The following ABL2 variants were observed in gnomAD, a reference collection of about 807,000 sequenced individuals.
ABL2 encodes ABL proto-oncogene 2, non-receptor tyrosine kinase.
In ABL2, 49 loss-of-function variants were observed where a neutral mutation model predicts 107.7. The ratio of observed to expected loss-of-function variants is 0.45; its 90% CI spans 0.36 to 0.58. The LOEUF is 0.58. Among genes scored for constraint, ABL2 ranks in the 20% least tolerant of loss-of-function variants. The pLI, the probability that ABL2 is intolerant of heterozygous loss-of-function variation, is 0.00. For synonymous variants in ABL2, 549 were observed against 548.6 expected (o/e 1.00, Z -0.01); for missense variants, 1,245 against 1,457.0 (o/e 0.85, Z 2.37).
chr1:179,187,596 A>T lies in ABL2; in HGVS notation c.157+41645T>A, dbSNP rs185815271. Among the ~76,000 whole-genome samples the T allele has an allele frequency of 1.8e-3, 276 of 152,356 alleles. 2 individuals are homozygous for T. The highest frequency in any genetic ancestry group is 2.7e-3 in the Admixed American group (41 of 15,298). On this transcript the variant is annotated intron_variant, in intron 1 of 11. Coordinates refer to ENST00000502732, the MANE Select transcript of ABL2 (RefSeq NM_007314.4). ...GAATTTTACCATATTTCTTGAAATA[A>T]GGGATCTGTACAAATTTGAATCCCT...
rs573149627 is a variant in ABL2, at chr1:179,121,228, G to A, written c.960+367C>T. ...GAGGAACAAGAACAAGGGAGAGAAA[G>A]GACAGAACAAGAAAGAGGCCCATGA... On this transcript the variant is annotated intron_variant, in intron 5 of 11. Transcript: ENST00000502732. Among the ~76,000 whole-genome samples, 4 of 152,316 alleles carry A rather than the reference G, an allele frequency of 2.6e-5. No individual in the cohort carries two copies. The East Asian group carries it at 7.7e-4, about 29-fold the overall frequency.
In ABL2 at chr1:179,185,104, C is replaced by T. The variant is rs373120927; in HGVS notation, c.157+44137G>A. ...ACTCAGACAGTACACTGTGTCTCTACGTGAATATGGACAGTTAGCATTTAC... is the reference window on the plus strand; with the variant it reads ...ACTCAGACAGTACACTGTGTCTCTATGTGAATATGGACAGTTAGCATTTAC... On this transcript the variant is annotated intron_variant, in intron 1 of 11. Coordinates refer to ENST00000502732, the MANE Select transcript of ABL2 (RefSeq NM_007314.4). Among the ~76,000 whole-genome samples the T allele has an allele frequency of 7.2e-5, 11 of 152,228 alleles. No individual in the cohort carries two copies. The East Asian group carries it at 7.7e-4, about 11-fold the overall frequency.
chr1:179,102,373 G>A lies in ABL2; in HGVS notation c.*5345C>T, dbSNP rs1440000145. 4.8e-6 allele frequency: 1 copy of A among 209,964 alleles called. No individual in the cohort carries two copies. Among genetic ancestry groups the A allele is most frequent in the Non-Finnish European group, 9.7e-6 (1 of 103,324 alleles). The allele number at this position is 209,964 out of a possible 1,614,324, so 13.0% of individuals were successfully genotyped here. On this transcript the variant is annotated 3_prime_UTR_variant, in exon 12 of 12. Transcript: ENST00000502732. ...TCTATCCAAATGATATAGATATCTTGACTGTTAAGAGTTGGAGACGTTTCA... is the reference window on the plus strand; with the variant it reads ...TCTATCCAAATGATATAGATATCTTAACTGTTAAGAGTTGGAGACGTTTCA...
chr1:179,108,163 T>G lies in ABL2; in HGVS notation c.3104A>C (p.Lys1035Thr), dbSNP rs768660163. The change falls in exon 12 of 12, where the codon AAA (lysine) becomes ACA (threonine). Residue 1035 changes from lysine (K) to threonine (T), a missense_variant. Physicochemically the swap from Lys to Thr is moderately conservative, Grantham distance 78. Around this residue, in one of 3 missense-constraint regions of ABL2, gnomAD observed 761 missense variants for 766.4 expected, o/e 0.99. Transcript: ENST00000502732. ...AALGAVPISGKAGRPVMPPPQ... is the reference protein window; with the variant it reads ...AALGAVPISGTAGRPVMPPPQ... ...TGGAGGCATCACTGGCCTCCCAGCT[T>G]TCCCACTGATGGGCACTGCGCCCAG... 1 of 1,614,174 alleles carries G rather than the reference T, an allele frequency of 6.2e-7. No homozygotes were observed. Among genetic ancestry groups the G allele is most frequent in the East Asian group, 2.2e-5 (1 of 44,874 alleles).
At chr1:179,145,345 T>G (rs1571193395) in intron 1 of ABL2, among the ~76,000 whole-genome samples, 3 of 152,280 alleles carry the variant, frequency 2.0e-5, no homozygotes, top group African/African-American at 7.2e-5. Context: ...ATTACTAAGG[T>G]CTCCAAAGGC....
rs577799136 is a variant in ABL2 at position 179,135,128 on chromosome 1, T to C, written c.158-1754A>G. Among the ~76,000 whole-genome samples the C allele has an allele frequency of 3.9e-5, 6 of 152,284 alleles. No homozygotes were observed. The South Asian group carries it at 8.3e-4, about 21-fold the overall frequency. ...GCCTTGGCCTCCCAAAGTGCCGAGA[T>C]TGCAGCCTCTGCCCGGCCGCCACCC... On this transcript the variant is annotated intron_variant, in intron 1 of 11. Transcript: ENST00000502732.
chr1:179,224,071 C>T (rs1429185386), intron 1 of ABL2, among the ~76,000 whole-genome samples: 1 of 124,698 alleles, frequency 8.0e-6, no homozygotes, highest in Non-Finnish European at 1.6e-5. Flanking sequence ...GTCAAGGCTG[C>T]AGTGAGCCAT....
chr1:179,121,725 A>T lies in ABL2; in HGVS notation c.830T>A (p.Ile277Asn). ...TCGCTCCATTTCCCATTTGTCGTGGATGGGGGACACACCATAGACTGTAGG... is the reference window on the plus strand; with the variant it reads ...TCGCTCCATTTCCCATTTGTCGTGGTTGGGGGACACACCATAGACTGTAGG... Reference protein sequence around the residue: ...NKPTVYGVSPIHDKWEMERTD... With the variant: ...NKPTVYGVSPNHDKWEMERTD... The change falls in exon 5 of 12, where the codon ATC becomes AAC. Residue 277 changes from isoleucine (I) to asparagine (N), a missense_variant. Coordinates refer to ENST00000502732, the MANE Select transcript of ABL2 (RefSeq NM_007314.4). 6.2e-7 allele frequency: 1 copy of T among 1,613,940 alleles called. No individual in the cohort carries two copies. The highest frequency in any genetic ancestry group is 8.5e-7 in the Non-Finnish European group (1 of 1,180,014).
At chr1:179,132,466 A>G (rs985458541) in intron 2 of ABL2, among the ~76,000 whole-genome samples, 2 of 152,128 alleles carry the variant, frequency 1.3e-5, no homozygotes, top group Non-Finnish European at 2.9e-5. Flanking sequence ...AAACTATCCA[A>G]ATGTCTATGT....
At chr1:179,153,053 T>C (rs556340391) in intron 1 of ABL2, among the ~76,000 whole-genome samples, 4 of 152,224 alleles carry the variant, frequency 2.6e-5, no homozygotes, top group Admixed American at 2.0e-4. Flanking sequence ...TGGCTCAACA[T>C]TTTACAGAAA....
chr1:179,145,010 AAG>A (rs1164511456), intron 1 of ABL2, among the ~76,000 whole-genome samples: 43 of 152,206 alleles, frequency 2.8e-4, no homozygotes, highest in African/African-American at 1.0e-3. Flanking sequence ...ATTTGGAATA[AAG>A]AGGAGATAAA....
chr1:179,108,708 C>A lies in ABL2; in HGVS notation c.2559G>T (p.Leu853Phe), dbSNP rs1421171175. Residue 853 changes from leucine (L) to phenylalanine (F), a missense_variant, in exon 12 of 12, where the codon TTG becomes TTT. By Grantham distance (22) the Leu-to-Phe change is conservative (BLOSUM62 0). Coordinates refer to ENST00000502732, the MANE Select transcript of ABL2 (RefSeq NM_007314.4). ...GAGGAAGAGCTGTGGCTCCTCTGGG[C>A]AATAACTTGGCTTTTGGTCTCTCCC... ...PSRERPKAKL[L>F]PRGATALPLR... The A allele has an allele frequency of 3.7e-6, 6 of 1,613,984 alleles. No homozygotes were observed. The highest frequency in any genetic ancestry group is 5.1e-6 in the Non-Finnish European group (6 of 1,179,972).
chr1:179,193,562 G>A (rs536895121), intron 1 of ABL2, among the ~76,000 whole-genome samples: 4 of 151,638 alleles, frequency 2.6e-5, no homozygotes, highest in East Asian at 3.9e-4. Context: ...CTGCGACCAC[G>A]CCCACCTAAT....
Position 179,104,565 on chromosome 1 carries a change from A to G in ABL2, c.*3153T>C, listed in dbSNP as rs1653349624. The G allele has an allele frequency of 4.8e-6, 1 of 208,782 alleles. No homozygotes were observed. Among genetic ancestry groups the G allele is most frequent in the South Asian group, 1.9e-4 (1 of 5,334 alleles). 12.9% of individuals were successfully genotyped at this position (208,782 alleles called of 1,614,324 possible). A position where few individuals can be genotyped will look rare whatever the true frequency, so the allele number is the denominator to read the frequency against. ...AACACTGAATGAATTTCTTAGGGCC[A>G]AATTTTTTAAGGCTAATCTCTGAAA... is the stretch of plus-strand genomic sequence containing the variant. On this transcript the variant is annotated 3_prime_UTR_variant, in exon 12 of 12. Transcript: ENST00000502732.
intron 1 of ABL2, among the ~76,000 whole-genome samples, chr1:179,139,083 C>T (rs976855042): frequency 1.3e-5 from 2 of 152,192 alleles, no homozygotes; most frequent in Non-Finnish European, 2.9e-5. Flanking sequence ...TGCCTTCCCG[C>T]GGGGCAGGCC....
In ABL2 at chr1:179,110,701, T is replaced by C. The variant is rs545171912; in HGVS notation, c.1652-246A>G. ...TGTGTAGCATGCCAACGTGTGAATA[T>C]ACCACAATCCACCTGTTCTCCTCTT... On this transcript the variant is annotated intron_variant, in intron 10 of 11. Transcript: ENST00000502732. The C allele has an allele frequency of 5.6e-6, 9 of 1,599,280 alleles. No homozygotes were observed. In the Admixed American group the frequency reaches 1.0e-4, roughly 18 times the overall value.
chr1:179,162,815 A>T (rs1440430576), intron 1 of ABL2, among the ~76,000 whole-genome samples: 1 of 152,178 alleles, frequency 6.6e-6, no homozygotes, highest in African/African-American at 2.4e-5. Context: ...TCTCACAATA[A>T]TCCTATCAAG....
chr1:179,101,816 A>G lies in ABL2; in HGVS notation c.*5902T>C, dbSNP rs563631673. On this transcript the variant is annotated 3_prime_UTR_variant, in exon 12 of 12. Transcript: ENST00000502732. ...GTCATGGGGGTGAGTGCTCCAGAGT[A>G]GGCTGTAGCTTGTCCCACAGCCCTG... 45 of 189,656 alleles carry G rather than the reference A, an allele frequency of 2.4e-4. 1 individual carries two copies. In the South Asian group the frequency reaches 5.4e-3, roughly 23 times the overall value. The allele number at this position is 189,656 out of a possible 1,614,324, so 11.7% of individuals were successfully genotyped here. A position where few individuals can be genotyped will look rare whatever the true frequency, so the allele number is the denominator to read the frequency against.
At chr1:179,141,520 AATATT>A (rs1238413211) in intron 1 of ABL2, among the ~76,000 whole-genome samples, 6 of 152,226 alleles carry the variant, frequency 3.9e-5, no homozygotes, top group African/African-American at 1.4e-4. Flanking sequence ...CAGGCCAAAC[AATATT>A]ATATTTCTGA....
Sources: gnomAD v4.1 joint callset for allele counts (sites outside exome capture counted in the v4.1 genomes callset) on GRCh38, gnomAD v4.1.1 for gene constraint, gnomAD v4.1.1 regional missense constraint, MANE v1.5 for transcripts, NCBI Gene and HGNC (gene_info 2026-07-23, HGNC 2026-07-21) for gene names.